ZNF143: variants seen among roughly 807,000 people sequenced by gnomAD.
ZNF143 encodes zinc finger protein 143.
ZNF143 carries 49 observed loss-of-function variants against 74.1 expected under a neutral mutation model. That is an observed-to-expected ratio of 0.66 (90% confidence interval 0.53 to 0.84). ZNF143 has a LOEUF of 0.84. Ranked by LOEUF, ZNF143 falls within the 40% of genes least tolerant of loss-of-function variation. The probability of loss-of-function intolerance (pLI) is 0.00; values close to 1 mark genes in which losing one functional copy is unlikely to be tolerated. For synonymous variants in ZNF143, 304 were observed against 282.8 expected (o/e 1.07, Z -0.75); for missense variants, 637 against 793.4 (o/e 0.80, Z 2.37).
chr11:9,508,616 T>G lies in ZNF143; in HGVS notation c.1148-3T>G. 6.2e-7 allele frequency: 1 copy of G among 1,608,790 alleles called. No individual in the cohort carries two copies. Among genetic ancestry groups the G allele is most frequent in the Non-Finnish European group, 8.5e-7 (1 of 1,179,204 alleles). On this transcript the variant is annotated splice_polypyrimidine_tract_variant and splice_region_variant and intron_variant, in intron 11 of 15. Transcript: ENST00000396602. ...TGAACTTTTTTTTGGTGTTGCTCTT[T>G]AGGAGAAAAGCCATATGTTTGTACA...
intron 7 of ZNF143, among the ~76,000 whole-genome samples, chr11:9,486,435 ATATAATATATTAT>A (rs1847539914): frequency 4.3e-5 from 2 of 46,582 alleles, no homozygotes; most frequent in Admixed American, 8.1e-4. Context: ...TATATTATAT[ATATAATATATTAT>A]ATATATTATA....
chr11:9,486,102 C>G (rs1478670690), intron 7 of ZNF143, among the ~76,000 whole-genome samples: 1 of 150,212 alleles, frequency 6.7e-6, no homozygotes, highest in African/African-American at 2.5e-5. Context: ...CTCTGAGTCT[C>G]ATTTTTTCTA....
chr11:9,477,205 CCCTTCCCTT>C (rs1159574052), intron 5 of ZNF143, among the ~76,000 whole-genome samples: 7,175 of 108,224 alleles, frequency 0.066, 333 homozygotes, highest in Non-Finnish European at 0.078. Context: ...TCCTTTCCCT[CCCTTCCCTT>C]CCTTCCCTTC....
intron 1 of ZNF143, among the ~76,000 whole-genome samples, chr11:9,461,484 C>A (rs1855838599): frequency 6.6e-6 from 1 of 152,160 alleles, no homozygotes; most frequent in Admixed American, 6.5e-5. Context: ...CAGAGTTCCG[C>A]CGCCTGGGAC....
At chr11:9,483,085 C>T (rs552326891) in intron 7 of ZNF143, among the ~76,000 whole-genome samples, 1 of 151,000 alleles carries the variant, frequency 6.6e-6, no homozygotes, top group East Asian at 1.9e-4. Flanking sequence ...CCTCCACCTG[C>T]TGGGTTCAAA....
chr11:9,471,702 G>A (rs1856582064), intron 2 of ZNF143, among the ~76,000 whole-genome samples: 1 of 151,476 alleles, frequency 6.6e-6, no homozygotes, highest in African/African-American at 2.4e-5. Context: ...ACAGGCATGT[G>A]CCACCACGTC....
At chr11:9,520,593 C>G (rs1408281271) in intron 14 of ZNF143, among the ~76,000 whole-genome samples, 1 of 151,974 alleles carries the variant, frequency 6.6e-6, no homozygotes, top group Non-Finnish European at 1.5e-5. Context: ...GAGTTCGAGA[C>G]CAGCCTGGCC....
chr11:9,525,172 T>C, intron 14 of ZNF143, 68 bp from the exon 15 acceptor site: 3 of 1,570,588 alleles, frequency 1.9e-6, no homozygotes, highest in Non-Finnish European at 2.6e-6. Context: ...TTGTATTAAG[T>C]GGACTTTAAC....
chr11:9,486,472 C>A (rs1847555788), intron 7 of ZNF143, among the ~76,000 whole-genome samples: 2 of 60,078 alleles, frequency 3.3e-5, no homozygotes, highest in South Asian at 9.5e-4. Context: ...ATATAAAAGC[C>A]CTGTTTTTTG....
chr11:9,484,050 G>A (rs559561809), intron 7 of ZNF143, among the ~76,000 whole-genome samples: 2 of 151,212 alleles, frequency 1.3e-5, no homozygotes, highest in Non-Finnish European at 2.9e-5. Context: ...ACCCAGCTCA[G>A]TAAATTTTTA....
chr11:9,484,815 T>TTTTTTTTTTTTTTTA (rs59421396), intron 7 of ZNF143, among the ~76,000 whole-genome samples: 1 of 136,350 alleles, frequency 7.3e-6, no homozygotes, highest in Non-Finnish European at 1.6e-5. Flanking sequence ...TTTTTTTTTT[T>TTTTTTTTTTTTTTTA]GAGACGGAGT....
At position 9,504,676 on chromosome 11, in the gene ZNF143, T is replaced by TC. The variant is rs1448255888; in HGVS notation, c.1147+3406_1147+3407insC. The stretch of plus-strand genomic sequence containing the variant: ...AAAAGACATTTTTTTCTTTTTTCTT[T>TC]TTTTTTTTTTTTTTTTGAGACAGCG... On this transcript the variant is annotated intron_variant, in intron 11 of 15. Coordinates refer to ENST00000396602, the MANE Select transcript of ZNF143 (RefSeq NM_003442.6). Among the ~76,000 whole-genome samples the TC allele has an allele frequency of 3.8e-5, 4 of 104,022 alleles. 1 individual carries two copies. Among genetic ancestry groups the TC allele is most frequent in the Admixed American group, 9.9e-5 (1 of 10,064 alleles). The allele number at this position is 104,022 out of a possible 152,430, so 68.2% of individuals were successfully genotyped here.
rs1848577584 is a variant in ZNF143, at chr11:9,512,300, G to A, written c.1376-148G>A. 2.1e-6 allele frequency: 2 copies of A among 939,420 alleles called. 1 individual carries two copies. Among genetic ancestry groups the A allele is most frequent in the East Asian group, 5.4e-5 (2 of 37,182 alleles). The allele number at this position is 939,420 out of a possible 1,614,324, so 58.2% of individuals were successfully genotyped here. On this transcript the variant is annotated intron_variant, in intron 12 of 15. Transcript: ENST00000396602. ...TGCAAAAGTGGAGGTGGAGGAATTG[G>A]AAGGAGGTCCTGGAAGCCATTTTCG...
At chr11:9,490,583 G>A (rs999237516) in intron 7 of ZNF143, among the ~76,000 whole-genome samples, 3 of 151,794 alleles carry the variant, frequency 2.0e-5, no homozygotes, top group Non-Finnish European at 4.4e-5. Context: ...TGCCGTGCCT[G>A]GTAGAACTTT....
At chr11:9,523,462 G>A (rs1011996441) in intron 14 of ZNF143, among the ~76,000 whole-genome samples, 56 of 152,168 alleles carry the variant, frequency 3.7e-4, no homozygotes, top group Non-Finnish European at 1.2e-4. Flanking sequence ...GGCCGGGCGC[G>A]GTGGCTCACG....
chr11:9,483,705 A>G (rs1305682102), intron 7 of ZNF143, among the ~76,000 whole-genome samples: 2 of 150,216 alleles, frequency 1.3e-5, no homozygotes, highest in African/African-American at 2.5e-5. Context: ...TGACATTCCA[A>G]AGTCCTGGGA....
At chr11:9,509,562 G>A (rs1359936535) in intron 12 of ZNF143, among the ~76,000 whole-genome samples, 3 of 152,192 alleles carry the variant, frequency 2.0e-5, no homozygotes, top group Non-Finnish European at 2.9e-5. Context: ...GTTTCATTGA[G>A]TACCTCCTAA....
chr11:9,486,421 T>TATATTATATATATAATATATATATA (rs1847529799), intron 7 of ZNF143, among the ~76,000 whole-genome samples: 10 of 18,544 alleles, frequency 5.4e-4, no homozygotes, highest in Admixed American at 1.9e-3. Context: ...TAATATATAT[T>TATATTATATATATAATATATATATA]ATATATATTA....
intron 1 of ZNF143, 100 bp downstream of exon 1, chr11:9,461,176 T>C (rs1180159904): frequency 1.3e-6 from 1 of 741,266 alleles, no homozygotes; most frequent in Non-Finnish European, 1.6e-6. Flanking sequence ...GGGCTCCGGC[T>C]CCCGCTGCTC....
Sources: allele counts gnomAD v4.1 joint callset (sites outside exome capture counted in the v4.1 genomes callset), GRCh38; gene constraint gnomAD v4.1.1; transcripts MANE v1.5; gene names NCBI Gene and HGNC (gene_info 2026-07-23, HGNC 2026-07-21).